Variants in EFCAB6 observed in about 807,000 individuals in gnomAD.
EFCAB6 encodes the protein EF-hand calcium binding domain 6, also known as EF-hand calcium-binding domain-containing protein 6.
In EFCAB6, 156 loss-of-function variants were observed where a neutral mutation model predicts 169.8. That is an observed-to-expected ratio of 0.92 (90% confidence interval 0.81 to 1.05). The LOEUF (loss-of-function observed/expected upper bound fraction) is 1.05. EFCAB6 is among the 50% of genes least tolerant of loss of function. The probability of loss-of-function intolerance (pLI) is 0.00; values close to 1 mark genes in which losing one functional copy is unlikely to be tolerated. For missense variants in EFCAB6, 1,800 were observed against 1,829.1 expected (o/e 0.98, Z 0.29); for synonymous variants, 698 against 676.4 (o/e 1.03, Z -0.50).
intron 6 of EFCAB6, among the ~76,000 whole-genome samples, chr22:43,745,502 G>T (rs570406961): frequency 6.6e-6 from 1 of 152,264 alleles, no homozygotes; most frequent in Admixed American, 6.5e-5. Context: ...AGAGAAGGGG[G>T]TCAGGAACCG....
intron 7 of EFCAB6, 70 bp downstream of exon 7, chr22:43,735,787 A>G: frequency 6.4e-7 from 1 of 1,564,640 alleles, no homozygotes; most frequent in Non-Finnish European, 8.7e-7. Flanking sequence ...CAATGAACCC[A>G]ACAGGTCTCA....
chr22:43,529,840 C>G (rs938475336), intron 31 of EFCAB6, among the ~76,000 whole-genome samples: 2 of 152,204 alleles, frequency 1.3e-5, no homozygotes, highest in Admixed American at 1.3e-4. Flanking sequence ...AAACTTTCAC[C>G]TTAAGCTGCT....
chr22:43,739,842 T>C (rs949335261), intron 6 of EFCAB6, among the ~76,000 whole-genome samples: 1 of 150,124 alleles, frequency 6.7e-6, no homozygotes, highest in Non-Finnish European at 1.5e-5. Flanking sequence ...TCCTCCAGCC[T>C]CCACACTTGA....
chr22:43,625,894 C>T (rs1317078731), intron 20 of EFCAB6, among the ~76,000 whole-genome samples: 3 of 152,242 alleles, frequency 2.0e-5, no homozygotes, highest in East Asian at 1.9e-4. Flanking sequence ...AGTTGGTGCA[C>T]GGCCCTCCGC....
chr22:43,727,033 A>G (rs762996120), intron 8 of EFCAB6, among the ~76,000 whole-genome samples: 2 of 152,250 alleles, frequency 1.3e-5, no homozygotes, highest in Non-Finnish European at 2.9e-5. Context: ...GGTAATCAAT[A>G]AAGACCAAAC....
At chr22:43,653,801 C>T (rs1011191664) in intron 17 of EFCAB6, among the ~76,000 whole-genome samples, 15 of 152,056 alleles carry the variant, frequency 9.9e-5, no homozygotes, top group Non-Finnish European at 1.9e-4. Flanking sequence ...AGGGGGAGGG[C>T]GCACTTTCAT....
rs1398255514 is a variant in EFCAB6, at chr22:43,540,150, A to ACCCTGGT, written c.3849_3855dup (p.Ser1286ThrfsTer28). On this transcript the variant is annotated frameshift_variant, in exon 28 of 32. Coordinates refer to ENST00000262726, the MANE Select transcript of EFCAB6 (RefSeq NM_022785.4). LOFTEE classifies it high-confidence loss of function. ...ACACAGGGGTGGCTCTGCGACTTTG[A>ACCCTGGT]CCCTGGTCTCAGCTCCTGAGTGGGC... The ACCCTGGT allele has an allele frequency of 5.0e-6, 8 of 1,613,760 alleles. No homozygotes were observed. The highest frequency in any genetic ancestry group is 5.9e-6 in the Non-Finnish European group (7 of 1,179,948).
At chr22:43,624,507 C>T (rs760614146) in intron 20 of EFCAB6, among the ~76,000 whole-genome samples, 2 of 152,188 alleles carry the variant, frequency 1.3e-5, no homozygotes, top group South Asian at 2.1e-4. Context: ...ATTTCCCAAA[C>T]GTGCTTAACA....
intron 20 of EFCAB6, among the ~76,000 whole-genome samples, chr22:43,623,518 T>C (rs2054250802): frequency 6.6e-6 from 1 of 151,926 alleles, no homozygotes; most frequent in African/African-American, 2.4e-5. Context: ...TTTTCCAAAG[T>C]ATTGTGTTTT....
chr22:43,687,433 T>G (rs1423532026), intron 11 of EFCAB6, 38 bp downstream of exon 11: 2 of 1,215,650 alleles, frequency 1.6e-6, no homozygotes, highest in East Asian at 5.0e-5. Context: ...TTATGATATG[T>G]GTAACTAAAA....
rs950863505 is a variant in EFCAB6 at position 43,580,530 on chromosome 22, C to T, written c.3162G>A (p.Leu1054=). Residue 1054 remains leucine (L), a synonymous_variant, in exon 25 of 32, where the codon CTG becomes CTA. Transcript: ENST00000262726. ...TCTTCCTCACAGCCTCCTGTGGATT[C>T]AGCGTTGCAAAATTGATTGGCATGC... ...EESMPINFAT[L]NPQEAVRKIQ... 3 of 1,614,048 alleles carry T rather than the reference C, an allele frequency of 1.9e-6. No individual in the cohort carries two copies. Among genetic ancestry groups the T allele is most frequent in the Admixed American group, 3.3e-5 (2 of 60,004 alleles).
chr22:43,529,423 C>G (rs1486580285), intron 31 of EFCAB6, among the ~76,000 whole-genome samples: 3 of 152,162 alleles, frequency 2.0e-5, no homozygotes, highest in African/African-American at 7.2e-5. Flanking sequence ...TGGAGCAGAG[C>G]CTGCTGGTGG....
chr22:43,559,274 C>T (rs1170062327), intron 26 of EFCAB6, among the ~76,000 whole-genome samples: 5 of 152,206 alleles, frequency 3.3e-5, no homozygotes, highest in Admixed American at 2.6e-4. Context: ...CTCATCATCA[C>T]TGGTCATTAG....
Position 43,540,044 on chromosome 22 carries a change from G to A in EFCAB6, c.3879+83C>T, listed in dbSNP as rs530469013. 618 of 1,493,880 alleles carry A rather than the reference G, an allele frequency of 4.1e-4. 9 individuals are homozygous for A. The South Asian group carries it at 7.2e-3, about 17-fold the overall frequency. The allele number at this position is 1,493,880 out of a possible 1,614,324, so 92.5% of individuals were successfully genotyped here. A position where few individuals can be genotyped will look rare whatever the true frequency, so the allele number is the denominator to read the frequency against. On this transcript the variant is annotated intron_variant, in intron 28 of 31. Coordinates refer to ENST00000262726, the MANE Select transcript of EFCAB6 (RefSeq NM_022785.4). Reference sequence around the variant, plus strand: ...CTCAGCCACTCAACCCTGGGCCATAGTAGGGCCCCCAAAGTCCCCCCAGTG... The same window carrying A: ...CTCAGCCACTCAACCCTGGGCCATAATAGGGCCCCCAAAGTCCCCCCAGTG...
intron 20 of EFCAB6, among the ~76,000 whole-genome samples, chr22:43,625,921 C>T (rs761912770): frequency 2.6e-5 from 4 of 152,354 alleles, no homozygotes; most frequent in Admixed American, 6.5e-5. Context: ...CTGCAGAGGA[C>T]GGGCCCAGCC....
chr22:43,576,021 G>C (rs1006644592), intron 26 of EFCAB6, among the ~76,000 whole-genome samples: 2 of 152,120 alleles, frequency 1.3e-5, no homozygotes, highest in African/African-American at 2.4e-5. Flanking sequence ...TGGGATCTAA[G>C]ACTCCTTAGA....
chr22:43,532,379 G>A (rs1446272705), intron 30 of EFCAB6, among the ~76,000 whole-genome samples: 1 of 152,216 alleles, frequency 6.6e-6, no homozygotes, highest in Non-Finnish European at 1.5e-5. Flanking sequence ...GCCCGTGCAC[G>A]TCCTAGCAAG....
intron 2 of EFCAB6, among the ~76,000 whole-genome samples, chr22:43,783,235 G>C (rs2061895188): frequency 6.6e-6 from 1 of 152,182 alleles, no homozygotes; most frequent in Non-Finnish European, 1.5e-5. Flanking sequence ...TACCTGAATA[G>C]GTGGATAACG....
At chr22:43,784,606 TATATGTGTATATATACAC>T (rs1460466514) in intron 2 of EFCAB6, among the ~76,000 whole-genome samples, 8 of 92,164 alleles carry the variant, frequency 8.7e-5, no homozygotes, top group African/African-American at 3.7e-4. Context: ...TATACACATA[TATATGTGTATATATACAC>T]ATATATATGT....
Sources: gnomAD v4.1 joint callset for allele counts (sites outside exome capture counted in the v4.1 genomes callset) on GRCh38, gnomAD v4.1.1 for gene constraint, MANE v1.5 for transcripts, NCBI Gene and HGNC (gene_info 2026-07-23, HGNC 2026-07-21) for gene names.